Variants in KAT2B observed in about 807,000 individuals in gnomAD.
KAT2B encodes lysine acetyltransferase 2B, also known as histone acetyltransferase KAT2B.
KAT2B carries 36 observed loss-of-function variants against 105.9 expected under a neutral mutation model. That is an observed-to-expected ratio of 0.34 (90% CI 0.26 to 0.45). The LOEUF is 0.45. Among genes scored for constraint, KAT2B ranks in the 20% least tolerant of loss-of-function variants. KAT2B has a pLI of 1.00. For synonymous variants in KAT2B, 397 were observed against 377.9 expected (o/e 1.05, Z -0.59); for missense variants, 820 against 1,021.6 (o/e 0.80, Z 2.69).
chr3:20,110,689 AAAG>A (rs1306680154), intron 5 of KAT2B, among the ~76,000 whole-genome samples: 15 of 140,568 alleles, frequency 1.1e-4, no homozygotes, highest in African/African-American at 3.4e-4. Flanking sequence ...AAAAAAAAAA[AAAG>A]AAAGAAAAAG....
chr3:20,048,774 G>A (rs913345522), intron 1 of KAT2B, among the ~76,000 whole-genome samples: 1 of 152,282 alleles, frequency 6.6e-6, no homozygotes, highest in African/African-American at 2.4e-5. Context: ...TGATTCAAAC[G>A]GGGAATTAGA....
chr3:20,114,850 T>C (rs1699178542), intron 6 of KAT2B, 32 bp from the exon 7 acceptor site: 1 of 1,277,486 alleles, frequency 7.8e-7, no homozygotes, highest in African/African-American at 1.5e-5. Flanking sequence ...GTAGTTTTTT[T>C]TTAATCTTAT....
chr3:20,143,924 G>GT (rs1311407866), intron 13 of KAT2B, among the ~76,000 whole-genome samples: 1 of 152,154 alleles, frequency 6.6e-6, no homozygotes, highest in Non-Finnish European at 1.5e-5. Context: ...AAAACTACCT[G>GT]TCAGGTACTG....
chr3:20,045,215 G>A (rs775259983), intron 1 of KAT2B, among the ~76,000 whole-genome samples: 3 of 151,834 alleles, frequency 2.0e-5, no homozygotes, highest in Admixed American at 6.6e-5. Flanking sequence ...ATGGGGTTTC[G>A]CCATGTTTGC....
At chr3:20,090,147 A>G (rs1698691625) in intron 2 of KAT2B, among the ~76,000 whole-genome samples, 1 of 152,212 alleles carries the variant, frequency 6.6e-6, no homozygotes, top group African/African-American at 2.4e-5. Flanking sequence ...TGTTATCTGC[A>G]GAGACAATTT....
chr3:20,149,718 C>A (rs1699840021), intron 17 of KAT2B, among the ~76,000 whole-genome samples: 1 of 152,022 alleles, frequency 6.6e-6, no homozygotes, highest in African/African-American at 2.4e-5. Context: ...TCTCTTCTCT[C>A]TGACTTACCA....
chr3:20,121,163 T>TA (rs1290280288), intron 8 of KAT2B, among the ~76,000 whole-genome samples: 1 of 151,838 alleles, frequency 6.6e-6, no homozygotes, highest in African/African-American at 2.4e-5. Flanking sequence ...CAAAAAATTG[T>TA]AAAAAAAAGA....
chr3:20,121,841 C>A (rs770487291), intron 8 of KAT2B, among the ~76,000 whole-genome samples: 1 of 148,608 alleles, frequency 6.7e-6, no homozygotes, highest in Non-Finnish European at 1.5e-5. Context: ...ACAAGCCTGC[C>A]AAGATTGAAT....
intron 13 of KAT2B, among the ~76,000 whole-genome samples, chr3:20,142,901 G>A (rs1699718931): frequency 6.6e-6 from 1 of 152,144 alleles, no homozygotes; most frequent in Non-Finnish European, 1.5e-5. Context: ...GTGTGTGTGT[G>A]TGTACGTACA....
At chr3:20,136,062 C>G (rs1430566404) in intron 11 of KAT2B, among the ~76,000 whole-genome samples, 3 of 152,142 alleles carry the variant, frequency 2.0e-5, no homozygotes. Context: ...GATAGAATGA[C>G]TTCCAAAGAT....
chr3:20,077,392 C>A (rs545590181), intron 2 of KAT2B, among the ~76,000 whole-genome samples: 1 of 152,152 alleles, frequency 6.6e-6, no homozygotes, highest in East Asian at 1.9e-4. Context: ...TGCAGTTTAC[C>A]AAGTTCCTTA....
At chr3:20,041,107 G>T (rs983225012) in intron 1 of KAT2B, among the ~76,000 whole-genome samples, 1 of 152,134 alleles carries the variant, frequency 6.6e-6, no homozygotes, top group Non-Finnish European at 1.5e-5. Flanking sequence ...ACTTTCCCGG[G>T]AGTGGAGCGG....
At chr3:20,102,484 A>C (rs141006551) in intron 5 of KAT2B, among the ~76,000 whole-genome samples, 33 of 152,280 alleles carry the variant, frequency 2.2e-4, no homozygotes, top group Middle Eastern at 3.4e-3. Context: ...TATCATATCA[A>C]ACATTTCACA....
intron 1 of KAT2B, among the ~76,000 whole-genome samples, chr3:20,057,418 C>T (rs141420598): frequency 4.1e-4 from 62 of 152,188 alleles, no homozygotes; most frequent in African/African-American, 1.4e-3. Context: ...AAGGAAACAA[C>T]GTATAAGGCA....
At chr3:20,063,776 C>T (rs920697772) in intron 1 of KAT2B, among the ~76,000 whole-genome samples, 7 of 151,510 alleles carry the variant, frequency 4.6e-5, no homozygotes, top group Non-Finnish European at 1.0e-4. Flanking sequence ...CTCCTGACCT[C>T]GTGATCCAAC....
At chr3:20,061,856 A>G (rs916312647) in intron 1 of KAT2B, among the ~76,000 whole-genome samples, 21 of 130,898 alleles carry the variant, frequency 1.6e-4, no homozygotes, top group Middle Eastern at 4.1e-3. Flanking sequence ...TATATATAAT[A>G]TACATAAAAT....
intron 1 of KAT2B, among the ~76,000 whole-genome samples, chr3:20,071,076 A>G (rs1575116066): frequency 6.6e-6 from 1 of 152,148 alleles, no homozygotes; most frequent in East Asian, 1.9e-4. Flanking sequence ...AATATTAATA[A>G]TATCTTTTCT....
At chr3:20,056,989 G>A (rs950684426) in intron 1 of KAT2B, among the ~76,000 whole-genome samples, 37 of 152,228 alleles carry the variant, frequency 2.4e-4, no homozygotes, top group African/African-American at 8.2e-4. Context: ...TTAGAGTACA[G>A]TGATGTGAGC....
intron 2 of KAT2B, among the ~76,000 whole-genome samples, chr3:20,086,525 C>T (rs1359616634): frequency 2.0e-5 from 3 of 151,782 alleles, no homozygotes; most frequent in African/African-American, 7.3e-5. Flanking sequence ...CGCTTAAGCT[C>T]AGGAGGTCAA....
Sources: gnomAD v4.1 joint callset for allele counts (sites outside exome capture counted in the v4.1 genomes callset) on GRCh38, gnomAD v4.1.1 for gene constraint, MANE v1.5 for transcripts, NCBI Gene and HGNC (gene_info 2026-07-23, HGNC 2026-07-21) for gene names.